CBLN2: variants seen among roughly 807,000 people sequenced by gnomAD.
The protein encoded by CBLN2 is cerebellin-2.
In CBLN2, 7 loss-of-function variants were observed where a neutral mutation model predicts 15.0. The observed-to-expected ratio is 0.47, with a 90% CI of 0.27 to 0.88. CBLN2 has a LOEUF of 0.88. Ranked by LOEUF, CBLN2 falls within the 40% of genes least tolerant of loss-of-function variation. The pLI, the probability that CBLN2 is intolerant of heterozygous loss-of-function variation, is 0.14. For missense variants in CBLN2, 242 were observed against 304.5 expected (o/e 0.79, Z 1.53); for synonymous variants, 149 against 135.2 (o/e 1.10, Z -0.71).
chr18:72,579,325 G>A (rs898637707), intron 1 of CBLN2, among the ~76,000 whole-genome samples: 18 of 152,224 alleles, frequency 1.2e-4, no homozygotes, highest in Middle Eastern at 3.4e-3. Flanking sequence ...TAATTAAAAT[G>A]ATTTATTTGC....
intron 1 of CBLN2, among the ~76,000 whole-genome samples, chr18:72,604,594 T>C (rs1350465801): frequency 1.3e-5 from 2 of 152,164 alleles, no homozygotes; most frequent in Non-Finnish European, 2.9e-5. Flanking sequence ...GGGGGGCCTT[T>C]TAGAGATGAT....
intron 1 of CBLN2, among the ~76,000 whole-genome samples, chr18:72,551,307 T>C (rs1598994160): frequency 6.6e-6 from 1 of 152,166 alleles, no homozygotes; most frequent in Admixed American, 6.5e-5. Flanking sequence ...CCCTACCAGA[T>C]TGAAGATACC....
chr18:72,611,527 C>T (rs1229279708), intron 1 of CBLN2, among the ~76,000 whole-genome samples: 1 of 152,110 alleles, frequency 6.6e-6, no homozygotes, highest in Non-Finnish European at 1.5e-5. Flanking sequence ...TGTTTGTTGG[C>T]TGCTCATATG....
chr18:72,601,622 G>A (rs925446024), intron 1 of CBLN2, among the ~76,000 whole-genome samples: 10 of 152,134 alleles, frequency 6.6e-5, no homozygotes, highest in South Asian at 4.1e-4. Flanking sequence ...GGCGTGGGCC[G>A]TGAGAAACAT....
intron 1 of CBLN2, among the ~76,000 whole-genome samples, chr18:72,577,410 G>A (rs1019195135): frequency 1.3e-5 from 2 of 152,062 alleles, no homozygotes; most frequent in African/African-American, 4.8e-5. Context: ...TTGTATTGGT[G>A]ACTTAAGCTA....
chr18:72,596,152 G>A (rs1438539939), intron 1 of CBLN2, among the ~76,000 whole-genome samples: 1 of 151,620 alleles, frequency 6.6e-6, no homozygotes, highest in Non-Finnish European at 1.5e-5. Context: ...GTAATTTTCT[G>A]TTGTGTTTTG....
At chr18:72,539,050 G>T (rs993489158) in intron 3 of CBLN2, 1 of 355,358 alleles carries the variant, frequency 2.8e-6, no homozygotes, top group Non-Finnish European at 5.3e-6. Context: ...TGTGAATTTT[G>T]TAAGTTGAGG....
chr18:72,626,278 A>G (rs979764611), intron 1 of CBLN2, among the ~76,000 whole-genome samples: 1 of 152,130 alleles, frequency 6.6e-6, no homozygotes, highest in South Asian at 2.1e-4. Flanking sequence ...TTTTTTAATC[A>G]GTAGGGACAA....
intron 1 of CBLN2, among the ~76,000 whole-genome samples, chr18:72,624,807 C>T (rs2069724207): frequency 6.6e-6 from 1 of 151,938 alleles, no homozygotes; most frequent in South Asian, 2.1e-4. Flanking sequence ...CTCAATGCAC[C>T]TTGCAATTTC....
intron 1 of CBLN2, among the ~76,000 whole-genome samples, chr18:72,607,594 C>T (rs2069591437): frequency 6.6e-6 from 1 of 152,140 alleles, no homozygotes; most frequent in Non-Finnish European, 1.5e-5. Flanking sequence ...ATGCTAATTA[C>T]ACTTTATTCT....
intron 1 of CBLN2, among the ~76,000 whole-genome samples, chr18:72,636,526 A>G (rs1316623339): frequency 6.6e-6 from 1 of 152,106 alleles, no homozygotes; most frequent in African/African-American, 2.4e-5. Flanking sequence ...CTGGGCACAA[A>G]TATTTTCTAA....
intron 1 of CBLN2, among the ~76,000 whole-genome samples, chr18:72,577,791 G>A (rs528816769): frequency 7.2e-5 from 11 of 152,234 alleles, no homozygotes; most frequent in East Asian, 1.9e-4. Flanking sequence ...ATATGTAGAC[G>A]TAAATGTTGT....
At chr18:72,580,568 T>C (rs1007013192) in intron 1 of CBLN2, among the ~76,000 whole-genome samples, 10 of 152,198 alleles carry the variant, frequency 6.6e-5, no homozygotes, top group Non-Finnish European at 1.3e-4. Flanking sequence ...GTTAATTTCA[T>C]AGAATTGGAA....
intron 1 of CBLN2, among the ~76,000 whole-genome samples, chr18:72,588,940 C>G (rs1412857846): frequency 1.3e-5 from 2 of 152,150 alleles, no homozygotes; most frequent in Admixed American, 1.3e-4. Flanking sequence ...TGGGCAGAAG[C>G]AGATCATGAA....
At chr18:72,615,053 A>G (rs925010912) in intron 1 of CBLN2, among the ~76,000 whole-genome samples, 1 of 138,398 alleles carries the variant, frequency 7.2e-6, no homozygotes, top group African/African-American at 2.7e-5. Context: ...ATATATATAT[A>G]TATAAATATA....
intron 1 of CBLN2, among the ~76,000 whole-genome samples, chr18:72,553,862 A>G (rs2069207160): frequency 6.6e-6 from 1 of 152,228 alleles, no homozygotes; most frequent in African/African-American, 2.4e-5. Context: ...CTCTGATCAA[A>G]GATCTGAACT....
chr18:72,618,909 C>T (rs1011081804), intron 1 of CBLN2: 8 of 730,684 alleles, frequency 1.1e-5, no homozygotes, highest in South Asian at 8.1e-5. Context: ...GGAATGACAA[C>T]TTTGGTCATG....
rs1005283257 is a variant in CBLN2, at chr18:72,594,652, C to T, written c.15+43673G>A. On this transcript the variant is annotated intron_variant, in intron 1 of 2. Coordinates refer to the CBLN2 transcript ENST00000581073. ...TTGGTAAAATTCAGCAGTGAAGCTG[C>T]GGAGTCCTGTGGTTTTCTTTGTTGG... Among the ~76,000 whole-genome samples the T allele has an allele frequency of 3.9e-5, 6 of 152,040 alleles. 1 individual carries two copies. The highest frequency in any genetic ancestry group is 3.3e-4 in the Admixed American group (5 of 15,276).
At chr18:72,571,372 G>A (rs1211298724) in intron 1 of CBLN2, among the ~76,000 whole-genome samples, 1 of 151,790 alleles carries the variant, frequency 6.6e-6, no homozygotes, top group Non-Finnish European at 1.5e-5. Flanking sequence ...GGACACAGAG[G>A]ACAAACTGAT....
Sources: allele counts gnomAD v4.1 joint callset (sites outside exome capture counted in the v4.1 genomes callset), GRCh38; gene constraint gnomAD v4.1.1; transcripts MANE v1.5; gene names NCBI Gene and HGNC (gene_info 2026-07-23, HGNC 2026-07-21).